WDR64: variants seen among roughly 807,000 people sequenced by gnomAD.
WDR64 encodes the protein WD repeat-containing protein 64.
In WDR64, 112 loss-of-function variants were observed where a neutral mutation model predicts 139.3. The observed-to-expected ratio is 0.80, with a 90% CI of 0.69 to 0.94. The LOEUF (loss-of-function observed/expected upper bound fraction) is 0.94. WDR64 is among the 40% of genes least tolerant of loss of function. The probability of loss-of-function intolerance (pLI) is 0.00; values close to 1 mark genes in which losing one functional copy is unlikely to be tolerated. For synonymous variants in WDR64, 444 were observed against 437.7 expected (o/e 1.01, Z -0.18); for missense variants, 1,206 against 1,293.1 (o/e 0.93, Z 1.03).
intron 16 of WDR64, among the ~76,000 whole-genome samples, chr1:241,768,565 A>T (rs1488776061): frequency 6.6e-6 from 1 of 152,252 alleles, no homozygotes; most frequent in Non-Finnish European, 1.5e-5. Flanking sequence ...CTCTTAAAAA[A>T]TTTGAGTTCA....
chr1:241,708,896 C>T (rs1018023328), intron 8 of WDR64, among the ~76,000 whole-genome samples: 11 of 152,030 alleles, frequency 7.2e-5, no homozygotes, highest in South Asian at 6.2e-4. Flanking sequence ...GATTTTGGAA[C>T]GACTGCACTA....
intron 11 of WDR64, among the ~76,000 whole-genome samples, chr1:241,738,770 A>G (rs1669424305): frequency 6.6e-6 from 1 of 152,186 alleles, no homozygotes; most frequent in South Asian, 2.1e-4. Flanking sequence ...GTAATTCTAT[A>G]GTTATCATTC....
At chr1:241,737,166 C>T (rs1007087497) in intron 10 of WDR64, among the ~76,000 whole-genome samples, 2 of 152,142 alleles carry the variant, frequency 1.3e-5, no homozygotes, top group African/African-American at 4.8e-5. Context: ...CTATCTACTC[C>T]TCCAAAATTG....
At chr1:241,747,156 G>T (rs1362620643) in intron 13 of WDR64, among the ~76,000 whole-genome samples, 1 of 152,194 alleles carries the variant, frequency 6.6e-6, no homozygotes, top group Non-Finnish European at 1.5e-5. Context: ...AAATAGTGAC[G>T]GCGGGGGTGG....
At chr1:241,714,046 G>A (rs529932735) in intron 9 of WDR64, among the ~76,000 whole-genome samples, 5 of 152,326 alleles carry the variant, frequency 3.3e-5, no homozygotes, top group African/African-American at 1.2e-4. Flanking sequence ...TTCAAGAGAA[G>A]ATTCCTTTTG....
chr1:241,782,301 G>A (rs1228277405), intron 22 of WDR64, among the ~76,000 whole-genome samples: 1 of 152,110 alleles, frequency 6.6e-6, no homozygotes, highest in African/African-American at 2.4e-5. Flanking sequence ...GAAGAAAAAA[G>A]AACTAGGAGT....
intron 10 of WDR64, among the ~76,000 whole-genome samples, chr1:241,735,533 C>CCCTTT (rs1237771842): frequency 1.7e-4 from 18 of 103,508 alleles, no homozygotes; most frequent in Admixed American, 3.4e-4. Flanking sequence ...CTCTCTCTCT[C>CCCTTT]TTTTTTTTTT....
At chr1:241,687,318 A>AT in intron 7 of WDR64, 143 bp from the exon 8 acceptor site, 1 of 983,616 alleles carries the variant, frequency 1.0e-6, no homozygotes, top group Non-Finnish European at 1.5e-6. Context: ...AAAAAAAAAA[A>AT]AAAGGTGTTA....
Position 241,652,851 on chromosome 1 carries a change from T to C in WDR64, c.145+222T>C, listed in dbSNP as rs1224475476. ...TTTGTTTTTGTTTTTTTTTTTTACT[T>C]CTCTGAACCGAAGTTGCTTCAATTG... On this transcript the variant is annotated intron_variant, in intron 1 of 27. Transcript: ENST00000437684. 2.0e-5 allele frequency among the ~76,000 whole-genome samples: 3 copies of C among 152,222 alleles called. No homozygotes were observed. In the East Asian group the frequency reaches 5.8e-4, roughly 29 times the overall value.
At chr1:241,779,543 G>A (rs1209221927) in intron 21 of WDR64, among the ~76,000 whole-genome samples, 1 of 152,124 alleles carries the variant, frequency 6.6e-6, no homozygotes, top group Non-Finnish European at 1.5e-5. Flanking sequence ...AAATGAATAT[G>A]GGCCAGGTGT....
At position 241,679,125 on chromosome 1, in the gene WDR64, C is replaced by T. The variant is rs77479737; in HGVS notation, c.514-360C>T. Among the ~76,000 whole-genome samples the T allele has an allele frequency of 4.3e-3, 648 of 152,216 alleles. 6 individuals are homozygous for T. The highest frequency in any genetic ancestry group is 0.015 in the African/African-American group (619 of 41,524). ...TGTTTTCTAGCATGGGGACAGGGCT[C>T]GAGAGCTCGCTTAATCAGTGCCCTA... On this transcript the variant is annotated intron_variant, in intron 5 of 27. Coordinates refer to ENST00000437684, the MANE Select transcript of WDR64 (RefSeq NM_001367482.1).
intron 6 of WDR64, among the ~76,000 whole-genome samples, chr1:241,681,622 C>T (rs1178332576): frequency 6.6e-6 from 1 of 152,022 alleles, no homozygotes; most frequent in African/African-American, 2.4e-5. Flanking sequence ...GAGTTCTTTT[C>T]CTCTGGGTAG....
intron 14 of WDR64, among the ~76,000 whole-genome samples, chr1:241,751,699 C>T (rs1179724788): frequency 6.6e-6 from 1 of 152,090 alleles, no homozygotes. Context: ...TCAGAAAAAC[C>T]CTTGTGCAAC....
chr1:241,723,382 C>CGAGAT lies in WDR64; in HGVS notation c.1141_1145dup (p.Ile382MetfsTer4). 2 of 1,613,856 alleles carry CGAGAT rather than the reference C, an allele frequency of 1.2e-6. No homozygotes were observed. Among genetic ancestry groups the CGAGAT allele is most frequent in the Non-Finnish European group, 1.7e-6 (2 of 1,179,858 alleles). On this transcript the variant is annotated frameshift_variant, in exon 10 of 28. Coordinates refer to ENST00000437684, the MANE Select transcript of WDR64 (RefSeq NM_001367482.1). LOFTEE classifies it high-confidence loss of function. ...TTGTAGGACACATGTTCAGTATCGC[C>CGAGAT]GAGATCGTAACCAATGAAAAAGATC... is the stretch of plus-strand genomic sequence containing the variant.
At chr1:241,659,241 A>G (rs1248061869) in intron 1 of WDR64, among the ~76,000 whole-genome samples, 1 of 152,148 alleles carries the variant, frequency 6.6e-6, no homozygotes, top group East Asian at 1.9e-4. Flanking sequence ...ACATGATCTC[A>G]TTCCTTTTTA....
At chr1:241,673,390 G>C (rs972514815) in intron 3 of WDR64, among the ~76,000 whole-genome samples, 1 of 152,058 alleles carries the variant, frequency 6.6e-6, no homozygotes, top group Non-Finnish European at 1.5e-5. Context: ...AGAGAATGAT[G>C]GTGGCTTGCA....
intron 22 of WDR64, 117 bp from the exon 23 acceptor site, chr1:241,783,155 C>A: frequency 3.5e-6 from 3 of 851,486 alleles, no homozygotes; most frequent in South Asian, 1.5e-5. Flanking sequence ...TCATCTAGCA[C>A]AGATGTCTAC....
At chr1:241,723,217 G>A (rs1439107039) in intron 9 of WDR64, 80 bp from the exon 10 acceptor site, 9 of 1,528,494 alleles carry the variant, frequency 5.9e-6, no homozygotes, top group South Asian at 3.6e-5. Flanking sequence ...AGAAAGATAC[G>A]GGTATGATAC....
At chr1:241,766,706 A>T (rs1558515338) in intron 16 of WDR64, among the ~76,000 whole-genome samples, 1 of 149,834 alleles carries the variant, frequency 6.7e-6, no homozygotes, top group Non-Finnish European at 1.5e-5. Context: ...CTCAGTATAA[A>T]AAAAAAAAAA....
Sources: allele counts gnomAD v4.1 joint callset (sites outside exome capture counted in the v4.1 genomes callset), GRCh38; gene constraint gnomAD v4.1.1; transcripts MANE v1.5; gene names NCBI Gene and HGNC (gene_info 2026-07-23, HGNC 2026-07-21).